Variants in ADCY2 observed in about 807,000 individuals in gnomAD.
ADCY2 encodes the protein adenylate cyclase type 2.
A neutral mutation model predicts 125.2 loss-of-function variants in ADCY2; 31 were observed. The ratio of observed to expected loss-of-function variants is 0.25; its 90% CI spans 0.19 to 0.33. The LOEUF is 0.33. Among genes scored for constraint, ADCY2 ranks in the 10% least tolerant of loss-of-function variants. The probability of loss-of-function intolerance (pLI) is 1.00; values close to 1 mark genes in which losing one functional copy is unlikely to be tolerated. For synonymous variants in ADCY2, 512 were observed against 548.4 expected (o/e 0.93, Z 0.93); for missense variants, 904 against 1,418.2 (o/e 0.64, Z 5.82).
chr5:7,745,188 G>C (rs978276511), intron 15 of ADCY2, among the ~76,000 whole-genome samples: 4 of 152,196 alleles, frequency 2.6e-5, no homozygotes, highest in Non-Finnish European at 4.4e-5. Flanking sequence ...AAAAGTGGCA[G>C]TCCTGACCCC....
chr5:7,647,001 A>G (rs527282435), intron 4 of ADCY2, among the ~76,000 whole-genome samples: 4 of 152,246 alleles, frequency 2.6e-5, no homozygotes, highest in Non-Finnish European at 4.4e-5. Context: ...GATGTGTTCA[A>G]TCTGAACCAG....
chr5:7,547,439 G>A (rs1479570835), intron 3 of ADCY2, among the ~76,000 whole-genome samples: 2 of 152,184 alleles, frequency 1.3e-5, no homozygotes, highest in Admixed American at 6.5e-5. Flanking sequence ...GCAGTCATAG[G>A]TATGGGTCTC....
At chr5:7,406,417 A>ATC (rs1205265321) in intron 1 of ADCY2, among the ~76,000 whole-genome samples, 3 of 152,114 alleles carry the variant, frequency 2.0e-5, no homozygotes, top group Admixed American at 6.5e-5. Context: ...AACCACAGTA[A>ATC]ACCCTTCTGC....
chr5:7,589,148 C>T (rs1449207287), intron 3 of ADCY2, among the ~76,000 whole-genome samples: 1 of 152,060 alleles, frequency 6.6e-6, no homozygotes. Flanking sequence ...GCACAATAAC[C>T]TTGACCATTA....
chr5:7,453,335 A>G (rs1741542459), intron 2 of ADCY2, among the ~76,000 whole-genome samples: 1 of 152,196 alleles, frequency 6.6e-6, no homozygotes, highest in South Asian at 2.1e-4. Context: ...CAGTTTACCC[A>G]GCATCATTTA....
chr5:7,640,125 A>G (rs1738644495), intron 4 of ADCY2, among the ~76,000 whole-genome samples: 1 of 152,244 alleles, frequency 6.6e-6, no homozygotes, highest in Admixed American at 6.5e-5. Flanking sequence ...AGGATAATGA[A>G]TCTTTAAAAC....
At chr5:7,484,676 A>G (rs551086661) in intron 2 of ADCY2, among the ~76,000 whole-genome samples, 4 of 152,310 alleles carry the variant, frequency 2.6e-5, no homozygotes, top group Admixed American at 2.6e-4. Flanking sequence ...TTTCTATCAT[A>G]AACTATGACA....
At chr5:7,546,641 C>A (rs1255249363) in intron 3 of ADCY2, among the ~76,000 whole-genome samples, 1 of 152,218 alleles carries the variant, frequency 6.6e-6, no homozygotes. Context: ...TCTTCCCTCA[C>A]GCCTTCACTT....
chr5:7,814,652 T>C (rs1296391935), intron 22 of ADCY2, among the ~76,000 whole-genome samples: 1 of 152,146 alleles, frequency 6.6e-6, no homozygotes, highest in African/African-American at 2.4e-5. Context: ...GTAGCAGCTT[T>C]TCTCTACCTT....
intron 4 of ADCY2, among the ~76,000 whole-genome samples, chr5:7,673,659 C>T (rs1740016261): frequency 6.6e-6 from 1 of 152,250 alleles, no homozygotes; most frequent in East Asian, 1.9e-4. Context: ...AACCTCCACT[C>T]GTGTGGGGAA....
chr5:7,676,703 C>G (rs1430459153), intron 4 of ADCY2, among the ~76,000 whole-genome samples: 1 of 152,160 alleles, frequency 6.6e-6, no homozygotes, highest in African/African-American at 2.4e-5. Context: ...ACAGTGTGAG[C>G]TGAGTGATAA....
At chr5:7,462,615 T>C (rs1448334914) in intron 2 of ADCY2, among the ~76,000 whole-genome samples, 1 of 152,262 alleles carries the variant, frequency 6.6e-6, no homozygotes, top group African/African-American at 2.4e-5. Context: ...CTGATGGCAG[T>C]TATTACCAAA....
At chr5:7,533,580 C>G (rs112935360) in intron 3 of ADCY2, among the ~76,000 whole-genome samples, 2 of 152,112 alleles carry the variant, frequency 1.3e-5, no homozygotes, top group Admixed American at 1.3e-4. Flanking sequence ...CATTTATTTA[C>G]ATAAATATTG....
At chr5:7,557,330 A>T (rs1450000464) in intron 3 of ADCY2, among the ~76,000 whole-genome samples, 1 of 152,000 alleles carries the variant, frequency 6.6e-6, no homozygotes, top group Non-Finnish European at 1.5e-5. Flanking sequence ...GTAACATGTT[A>T]AAGTCTGACA....
chr5:7,662,440 C>G lies in ADCY2; in HGVS notation c.721-28251C>G, dbSNP rs142727683. On this transcript the variant is annotated intron_variant, in intron 4 of 24. Transcript: ENST00000338316. Reference sequence around the variant, plus strand: ...CCCTCCACGGCATAGTGGCCACCAGCACGGAAGTAGCCTGGTCAGTCTTTT... The same window carrying G: ...CCCTCCACGGCATAGTGGCCACCAGGACGGAAGTAGCCTGGTCAGTCTTTT... Among the ~76,000 whole-genome samples the G allele has an allele frequency of 1.3e-3, 204 of 152,338 alleles. 3 individuals carry two copies. The East Asian group carries it at 0.027, about 21-fold the overall frequency.
Position 7,405,390 on chromosome 5 carries a change from G to T in ADCY2, c.210+8884G>T, listed in dbSNP as rs372486426. On this transcript the variant is annotated intron_variant, in intron 1 of 24. Transcript: ENST00000338316. The stretch of plus-strand genomic sequence containing the variant: ...TTTCCCAGTTGATCTCTGCTGGTCT[G>T]TCTCATGTTTGTGTGCTCTACTGGC... 2.7e-5 allele frequency among the ~76,000 whole-genome samples: 4 copies of T among 150,536 alleles called. No individual in the cohort carries two copies. The East Asian group carries it at 5.9e-4, about 22-fold the overall frequency.
At chr5:7,403,100 A>G (rs1739329528) in intron 1 of ADCY2, among the ~76,000 whole-genome samples, 1 of 152,082 alleles carries the variant, frequency 6.6e-6, no homozygotes. Context: ...CTTACTCCCA[A>G]CACTGAATTA....
chr5:7,649,438 T>G (rs1739008358), intron 4 of ADCY2, among the ~76,000 whole-genome samples: 1 of 152,246 alleles, frequency 6.6e-6, no homozygotes, highest in South Asian at 2.1e-4. Flanking sequence ...CCTACTAGCA[T>G]GTACATTTCT....
chr5:7,743,214 A>G (rs1217676242), intron 14 of ADCY2, among the ~76,000 whole-genome samples: 3 of 151,280 alleles, frequency 2.0e-5, no homozygotes, highest in Admixed American at 2.0e-4. Flanking sequence ...GAGATTGGGG[A>G]GGGTGAGGAC....
Sources: gnomAD v4.1 joint callset for allele counts (sites outside exome capture counted in the v4.1 genomes callset) on GRCh38, gnomAD v4.1.1 for gene constraint, MANE v1.5 for transcripts, NCBI Gene and HGNC (gene_info 2026-07-23, HGNC 2026-07-21) for gene names.